The following PSMG2 variants were observed in gnomAD, a reference collection of about 807,000 sequenced individuals.
PSMG2 encodes the protein CD40 ligand-activated specific transcript 3.
A neutral mutation model predicts 31.5 loss-of-function variants in PSMG2; 21 were observed. That is an observed-to-expected ratio of 0.67 (90% CI 0.47 to 0.96). PSMG2 has a LOEUF of 0.96. PSMG2 is among the 40% of genes least tolerant of loss of function. The probability of loss-of-function intolerance (pLI) is 0.00; values close to 1 mark genes in which losing one functional copy is unlikely to be tolerated. For synonymous variants in PSMG2, 120 were observed against 110.4 expected (o/e 1.09, Z -0.54); for missense variants, 318 against 321.2 (o/e 0.99, Z 0.08).
chr18:12,722,342 G>T (rs1191780206), intron 5 of PSMG2, among the ~76,000 whole-genome samples: 1 of 152,108 alleles, frequency 6.6e-6, no homozygotes, highest in Non-Finnish European at 1.5e-5. Flanking sequence ...TTCTGCTTGA[G>T]ATACTTTCTG....
chr18:12,701,029 C>T (rs1054317259), upstream of PSMG2: 1 of 1,613,758 alleles, frequency 6.2e-7, no homozygotes, highest in African/African-American at 1.3e-5. Context: ...ATCAAATCTT[C>T]TGTTGATAAA....
intron 1 of PSMG2, among the ~76,000 whole-genome samples, chr18:12,693,585 C>A (rs1234196748): frequency 1.3e-5 from 2 of 152,042 alleles, no homozygotes; most frequent in African/African-American, 4.8e-5. Flanking sequence ...GAGATCGAGA[C>A]CATCCTGGCC....
chr18:12,701,535 A>G (rs748194499), upstream of PSMG2, among the ~76,000 whole-genome samples: 6 of 152,128 alleles, frequency 3.9e-5, no homozygotes, highest in Admixed American at 1.3e-4. Context: ...TTCGTCACCG[A>G]TAAGAATGGA....
At chr18:12,677,506 T>C (rs1395128762) in intron 1 of PSMG2, among the ~76,000 whole-genome samples, 2 of 118,564 alleles carry the variant, frequency 1.7e-5, no homozygotes, top group Non-Finnish European at 3.6e-5. Context: ...TCAAAAGTAA[T>C]CAGGGAAATG....
At chr18:12,676,209 C>T (rs1017178035) in intron 1 of PSMG2, among the ~76,000 whole-genome samples, 3 of 151,336 alleles carry the variant, frequency 2.0e-5, no homozygotes, top group Non-Finnish European at 4.4e-5. Flanking sequence ...TTACAGGCAC[C>T]TTAACTTAAA....
At chr18:12,705,227 G>C (rs112696761) in intron 1 of PSMG2, among the ~76,000 whole-genome samples, 2 of 152,184 alleles carry the variant, frequency 1.3e-5, no homozygotes, top group East Asian at 3.9e-4. Flanking sequence ...ACCACGCCCA[G>C]CTAATTTTGT....
chr18:12,710,238 G>A (rs138452918), intron 2 of PSMG2, among the ~76,000 whole-genome samples: 1 of 152,002 alleles, frequency 6.6e-6, no homozygotes, highest in Non-Finnish European at 1.5e-5. Flanking sequence ...CACCACGCCC[G>A]CCCCTTTTAA....
At chr18:12,701,130 T>A, upstream of PSMG2, 1 of 1,593,912 alleles carries the variant, frequency 6.3e-7, no homozygotes. Context: ...AGAAAACTCA[T>A]ATTACAATTT....
intron 1 of PSMG2, 51 bp downstream of exon 1, chr18:12,703,215 G>A: frequency 6.4e-7 from 1 of 1,553,464 alleles, no homozygotes; most frequent in Non-Finnish European, 8.7e-7. Context: ...CCCCTGCGGT[G>A]TCGCCACCCC....
chr18:12,693,398 TGA>T (rs1188378966), intron 1 of PSMG2, among the ~76,000 whole-genome samples: 1 of 151,916 alleles, frequency 6.6e-6, no homozygotes, highest in East Asian at 1.9e-4. Flanking sequence ...CACTCAAGCC[TGA>T]GAGAGTGAGA....
intron 5 of PSMG2, among the ~76,000 whole-genome samples, chr18:12,721,707 C>CTCTATTAT (rs935705664): frequency 6.6e-6 from 1 of 150,574 alleles, no homozygotes; most frequent in African/African-American, 2.4e-5. Flanking sequence ...TTTTTCTATT[C>CTCTATTAT]TCTATTATTC....
chr18:12,706,809 C>T, intron 2 of PSMG2, 88 bp downstream of exon 2: 1 of 1,372,046 alleles, frequency 7.3e-7, no homozygotes, highest in Non-Finnish European at 9.8e-7. Context: ...TGTTTTGTAG[C>T]AAATGTTTAC....
At chr18:12,690,078 C>T (rs554786954) in intron 1 of PSMG2, among the ~76,000 whole-genome samples, 4 of 141,038 alleles carry the variant, frequency 2.8e-5, no homozygotes, top group Non-Finnish European at 4.9e-5. Flanking sequence ...CGTGAGCCAC[C>T]GCGCCCGGCC....
chr18:12,701,101 C>T (rs759703161), upstream of PSMG2: 4 of 1,611,344 alleles, frequency 2.5e-6, no homozygotes, highest in South Asian at 3.3e-5. Context: ...CTTATTCTAC[C>T]ATGGACATCC....
chr18:12,720,401 C>A, intron 4 of PSMG2, 109 bp from the exon 5 acceptor site: 1 of 854,508 alleles, frequency 1.2e-6, no homozygotes, highest in Non-Finnish European at 1.7e-6. Context: ...TCTGCTGAAA[C>A]TTGTGTTTTG....
chr18:12,658,859 G>A (rs958549480), intron 1 of PSMG2: 1 of 303,924 alleles, frequency 3.3e-6, no homozygotes, highest in Non-Finnish European at 6.6e-6. Context: ...ATATAAACAT[G>A]TACATAATTT....
At chr18:12,665,863 A>G (rs571144569) in intron 1 of PSMG2, among the ~76,000 whole-genome samples, 1 of 152,148 alleles carries the variant, frequency 6.6e-6, no homozygotes, top group Non-Finnish European at 1.5e-5. Flanking sequence ...CACCCAGCTA[A>G]TTTTTGTATT....
chr18:12,700,034 T>C (rs1398707189), upstream of PSMG2: 1 of 472,080 alleles, frequency 2.1e-6, no homozygotes, highest in Non-Finnish European at 3.8e-6. Flanking sequence ...AACCCCTTAT[T>C]TTCCTAGCCT....
chr18:12,667,480 G>A (rs928905262), intron 1 of PSMG2, among the ~76,000 whole-genome samples: 3 of 152,002 alleles, frequency 2.0e-5, no homozygotes, highest in Non-Finnish European at 4.4e-5. Context: ...TATAATATTC[G>A]GCCAGGCCGG....
Sources: gnomAD v4.1 joint callset for allele counts (sites outside exome capture counted in the v4.1 genomes callset) on GRCh38, gnomAD v4.1.1 for gene constraint, MANE v1.5 for transcripts, NCBI Gene and HGNC (gene_info 2026-07-23, HGNC 2026-07-21) for gene names.